Variants in COG6 observed in about 807,000 individuals in gnomAD.
The protein encoded by COG6 is conserved oligomeric Golgi complex subunit 6.
Under a neutral mutation model 88.8 loss-of-function variants are expected in COG6, and 74 were observed. That is an observed-to-expected ratio of 0.83 (90% CI 0.69 to 1.01). The LOEUF is 1.01. Among genes scored for constraint, COG6 ranks in the 50% least tolerant of loss-of-function variants. COG6 has a pLI of 0.00. For synonymous variants in COG6, 286 were observed against 278.7 expected, an observed-to-expected ratio of 1.03 and a Z score of -0.26; for missense variants, 800 against 797.9, an observed-to-expected ratio of 1.00 and a Z score of -0.03.
chr13:39,724,681 CGTTGG>C (rs1879040336), intron 17 of COG6, 120 bp downstream of exon 17: 1 of 769,134 alleles, frequency 1.3e-6, no homozygotes, highest in Non-Finnish European at 2.3e-6. Flanking sequence ...GCTGTATTAA[CGTTGG>C]GTCCAATAAT....
chr13:39,742,695 C>T (rs745806795), intron 18 of COG6, among the ~76,000 whole-genome samples: 3 of 152,076 alleles, frequency 2.0e-5, no homozygotes, highest in Non-Finnish European at 2.9e-5. Flanking sequence ...GACAGATCAA[C>T]GAGACAGAAA....
At chr13:39,783,003 A>G (rs1325135059) in intron 18 of COG6, among the ~76,000 whole-genome samples, 1 of 152,224 alleles carries the variant, frequency 6.6e-6, no homozygotes, top group Non-Finnish European at 1.5e-5. Flanking sequence ...CAAGCTGTAT[A>G]TTGATGACTG....
intron 16 of COG6, among the ~76,000 whole-genome samples, chr13:39,723,992 C>T (rs931414356): frequency 6.6e-6 from 1 of 151,892 alleles, no homozygotes; most frequent in East Asian, 1.9e-4. Flanking sequence ...CTTAGAAAAC[C>T]ATGTAAGCCA....
chr13:39,762,974 C>T (rs1157562405), intron 18 of COG6, among the ~76,000 whole-genome samples: 2 of 151,596 alleles, frequency 1.3e-5, no homozygotes, highest in East Asian at 3.9e-4. Flanking sequence ...TTTGTATTCT[C>T]ACATGCTGTT....
At position 39,751,242 on chromosome 13, in the gene COG6, G is replaced by T. The variant is rs55787876; in HGVS notation, c.*149G>T. The stretch of plus-strand genomic sequence containing the variant: ...AGTCCCGATAATTTTTTTTTTTTTG[G>T]TCTCAGTAACAGGGAAGTAAGTAAC... On this transcript the variant is annotated 3_prime_UTR_variant, in exon 19 of 19. Transcript: ENST00000455146. 1.3e-3 allele frequency: 1,991 copies of T among 1,489,340 alleles called. 4 individuals carry two copies. Among genetic ancestry groups the T allele is most frequent in the Admixed American group, 5.8e-3 (261 of 45,042 alleles). The allele number at this position is 1,489,340 out of a possible 1,614,324, so 92.3% of individuals were successfully genotyped here.
chr13:39,745,115 T>A (rs1880269858), intron 18 of COG6, among the ~76,000 whole-genome samples: 2 of 152,158 alleles, frequency 1.3e-5, no homozygotes, highest in Admixed American at 6.6e-5. Flanking sequence ...GACTTAAACG[T>A]TAGACCTAAA....
At chr13:39,740,912 G>A (rs535841982) in intron 18 of COG6, among the ~76,000 whole-genome samples, 9 of 152,054 alleles carry the variant, frequency 5.9e-5, no homozygotes, top group Middle Eastern at 3.4e-3. Flanking sequence ...TCTTAACTGC[G>A]GTGCTAAAAT....
intron 2 of COG6, among the ~76,000 whole-genome samples, chr13:39,659,819 A>G (rs1874783049): frequency 1.3e-5 from 2 of 152,190 alleles, no homozygotes; most frequent in African/African-American, 2.4e-5. Context: ...ATATCCCCTC[A>G]TTGCATAAAC....
rs1366462774 is a variant in COG6 at position 39,751,994 on chromosome 13, A to G, written c.*901A>G. ...ATCTACTCAAACATTGGAGAAAAAA[A>G]CTGCCAGAGGAGGAGTTGCCAATTG... On this transcript the variant is annotated 3_prime_UTR_variant, in exon 19 of 19. Transcript: ENST00000455146. 1.6e-6 allele frequency: 2 copies of G among 1,246,500 alleles called. No homozygotes were observed. The highest frequency in any genetic ancestry group is 1.5e-5 in the African/African-American group (1 of 64,968). The allele number at this position is 1,246,500 out of a possible 1,614,324, so 77.2% of individuals were successfully genotyped here. A position where few individuals can be genotyped will look rare whatever the true frequency, so the allele number is the denominator to read the frequency against.
In COG6 at chr13:39,655,798, A is replaced by G; in HGVS notation, c.72A>G (p.Ala24=). The G allele has an allele frequency of 1.3e-6, 2 of 1,599,184 alleles. No homozygotes were observed. The highest frequency in any genetic ancestry group is 1.1e-5 in the South Asian group (1 of 88,966). The change falls in exon 1 of 19, where the codon GCA becomes GCG. Residue 24 remains alanine, a synonymous_variant. Transcript: ENST00000455146. ...TGAANGLNNG[A]GGTSATTCNP... ...CTGCCAACGGCCTCAACAATGGGGC[A>G]GGCGGGACCTCGGCGACGACCTGCA...
At chr13:39,720,428 A>G (rs1211621730) in intron 15 of COG6, among the ~76,000 whole-genome samples, 2 of 152,108 alleles carry the variant, frequency 1.3e-5, no homozygotes, top group South Asian at 2.1e-4. Flanking sequence ...ATTGGTAAAT[A>G]TACTGTTTTT....
intron 4 of COG6, among the ~76,000 whole-genome samples, chr13:39,667,663 A>G (rs1049076538): frequency 1.3e-5 from 2 of 152,176 alleles, no homozygotes; most frequent in African/African-American, 4.8e-5. Context: ...TACTTGGAAA[A>G]TTGTGAATGA....
intron 18 of COG6, among the ~76,000 whole-genome samples, chr13:39,746,043 T>G (rs1880331708): frequency 1.3e-5 from 2 of 151,772 alleles, no homozygotes; most frequent in South Asian, 4.2e-4. Flanking sequence ...TGAGAACACT[T>G]GAACACAGGG....
At chr13:39,658,060 T>C (rs1334866206) in intron 1 of COG6, among the ~76,000 whole-genome samples, 1 of 126,716 alleles carries the variant, frequency 7.9e-6, no homozygotes, top group African/African-American at 3.1e-5. Flanking sequence ...TGGATTCTTG[T>C]CACTTTTTTT....
chr13:39,729,635 T>C (rs1879327399), intron 18 of COG6, among the ~76,000 whole-genome samples: 1 of 151,982 alleles, frequency 6.6e-6, no homozygotes, highest in Admixed American at 6.6e-5. Flanking sequence ...TATGAGGAAA[T>C]AGTAATTATC....
intron 18 of COG6, among the ~76,000 whole-genome samples, chr13:39,740,182 T>G (rs546888884): frequency 2.0e-5 from 3 of 152,222 alleles, no homozygotes; most frequent in Non-Finnish European, 4.4e-5. Context: ...ACTCCAACTT[T>G]AATCAAAATT....
intron 13 of COG6, among the ~76,000 whole-genome samples, chr13:39,708,363 T>G (rs1291138838): frequency 6.6e-6 from 1 of 152,218 alleles, no homozygotes; most frequent in African/African-American, 2.4e-5. Context: ...TGTATTAGAT[T>G]AACAGAAATT....
In COG6 at chr13:39,751,126, C is replaced by T. The variant is rs763554235; in HGVS notation, c.*33C>T. 6.2e-7 allele frequency: 1 copy of T among 1,611,800 alleles called. No individual in the cohort carries two copies. The stretch of plus-strand genomic sequence containing the variant: ...ATTTCATTGTGTTAGCAAAATATGA[C>T]CTCCCTAAAACACTGAAGGTTATTT... On this transcript the variant is annotated 3_prime_UTR_variant, in exon 19 of 19. Coordinates refer to ENST00000455146, the MANE Select transcript of COG6 (RefSeq NM_020751.3).
chr13:39,659,278 A>G, intron 1 of COG6, 86 bp from the exon 2 acceptor site: 1 of 1,264,240 alleles, frequency 7.9e-7, no homozygotes, highest in South Asian at 1.3e-5. Flanking sequence ...AAATCATTTG[A>G]AAATGATTTC....
Sources: allele counts gnomAD v4.1 joint callset (sites outside exome capture counted in the v4.1 genomes callset), GRCh38; gene constraint gnomAD v4.1.1; transcripts MANE v1.5; gene names NCBI Gene and HGNC (gene_info 2026-07-23, HGNC 2026-07-21).